The following OTUD7A variants were observed in gnomAD, a reference collection of about 807,000 sequenced individuals.
OTUD7A encodes the protein OTU domain-containing protein 7A.
A neutral mutation model predicts 65.7 loss-of-function variants in OTUD7A; 12 were observed. The ratio of observed to expected loss-of-function variants is 0.18; its 90% CI spans 0.12 to 0.30. The LOEUF (loss-of-function observed/expected upper bound fraction) is 0.30. OTUD7A is among the 10% of genes least tolerant of loss of function. The pLI, the probability that OTUD7A is intolerant of heterozygous loss-of-function variation, is 1.00. For missense variants in OTUD7A, 1,148 were observed against 1,304.8 expected, an observed-to-expected ratio of 0.88 and a Z score of 1.85; for synonymous variants, 641 against 586.3, an observed-to-expected ratio of 1.09 and a Z score of -1.35.
chr15:31,625,525 G>A (rs1033731492), intron 3 of OTUD7A, among the ~76,000 whole-genome samples: 14 of 152,048 alleles, frequency 9.2e-5, no homozygotes, highest in Middle Eastern at 3.4e-3. Flanking sequence ...CAGGACTCTC[G>A]TATGTTGTTA....
intron 3 of OTUD7A, among the ~76,000 whole-genome samples, chr15:31,575,965 C>A (rs1012323202): frequency 4.6e-5 from 7 of 152,016 alleles, no homozygotes; most frequent in African/African-American, 1.7e-4. Flanking sequence ...TACACAATTG[C>A]AACTAAAATG....
At chr15:31,739,182 T>A (rs1894271233) in intron 1 of OTUD7A, among the ~76,000 whole-genome samples, 1 of 152,116 alleles carries the variant, frequency 6.6e-6, no homozygotes, top group Non-Finnish European at 1.5e-5. Context: ...CACTCAAAAC[T>A]CTCATAGTAC....
chr15:31,677,314 A>G (rs1892616025), intron 1 of OTUD7A, among the ~76,000 whole-genome samples: 1 of 152,148 alleles, frequency 6.6e-6, no homozygotes, highest in Non-Finnish European at 1.5e-5. Flanking sequence ...GCCTTGTGTT[A>G]AAGTGCTGAG....
At chr15:31,785,412 C>T (rs1895646770) in intron 1 of OTUD7A, among the ~76,000 whole-genome samples, 1 of 152,144 alleles carries the variant, frequency 6.6e-6, no homozygotes, top group African/African-American at 2.4e-5. Context: ...TCTCTCACTC[C>T]AAGATTATAC....
chr15:31,679,225 G>A (rs1252699793), intron 1 of OTUD7A, among the ~76,000 whole-genome samples: 1 of 152,172 alleles, frequency 6.6e-6, no homozygotes, highest in Non-Finnish European at 1.5e-5. Context: ...ATTTGCTTTT[G>A]ACTTTACAGG....
At chr15:31,842,760 T>C (rs904424750) in intron 1 of OTUD7A, among the ~76,000 whole-genome samples, 1 of 152,172 alleles carries the variant, frequency 6.6e-6, no homozygotes, top group Non-Finnish European at 1.5e-5. Flanking sequence ...ATCACATCGC[T>C]GCCTCCCTAT....
At chr15:31,543,334 A>C (rs982720026) in intron 5 of OTUD7A, among the ~76,000 whole-genome samples, 2 of 151,950 alleles carry the variant, frequency 1.3e-5, no homozygotes, top group Non-Finnish European at 2.9e-5. Context: ...AAAAGACATG[A>C]TTAAACAATA....
At chr15:31,497,080 C>CCTG (rs2041396926) in intron 10 of OTUD7A, among the ~76,000 whole-genome samples, 1 of 152,106 alleles carries the variant, frequency 6.6e-6, no homozygotes, top group Non-Finnish European at 1.5e-5. Context: ...TGGACTCCCT[C>CCTG]AGGGCTCCTG....
At chr15:31,857,533 G>C (rs1362291819) in intron 1 of OTUD7A, among the ~76,000 whole-genome samples, 1 of 152,134 alleles carries the variant, frequency 6.6e-6, no homozygotes, top group Admixed American at 6.5e-5. Flanking sequence ...GCTGTCCTGG[G>C]AGAAGCCTGG....
intron 1 of OTUD7A, among the ~76,000 whole-genome samples, chr15:31,861,487 A>G (rs1446051488): frequency 3.3e-5 from 5 of 152,160 alleles, no homozygotes; most frequent in East Asian, 1.9e-4. Flanking sequence ...TGTAAATGGG[A>G]TAAGTCAGCT....
intron 1 of OTUD7A, among the ~76,000 whole-genome samples, chr15:31,774,903 G>A (rs1895333211): frequency 6.6e-6 from 1 of 150,866 alleles, no homozygotes; most frequent in African/African-American, 2.4e-5. Flanking sequence ...CCTTCTCGTG[G>A]GGGTCAGGCC....
chr15:31,764,984 A>G (rs1056646833), intron 1 of OTUD7A, among the ~76,000 whole-genome samples: 1 of 152,196 alleles, frequency 6.6e-6, no homozygotes, highest in African/African-American at 2.4e-5. Flanking sequence ...GGAAGAGATT[A>G]TATGTTTTAT....
intron 1 of OTUD7A, among the ~76,000 whole-genome samples, chr15:31,717,891 C>G (rs183474989): frequency 6.6e-6 from 1 of 152,352 alleles, no homozygotes; most frequent in East Asian, 1.9e-4. Flanking sequence ...TCCAAATCCT[C>G]TCCAGCGTCT....
At chr15:31,775,981 C>T (rs1426075034) in intron 1 of OTUD7A, among the ~76,000 whole-genome samples, 3 of 152,236 alleles carry the variant, frequency 2.0e-5, no homozygotes, top group Non-Finnish European at 2.9e-5. Flanking sequence ...CACATACACA[C>T]ACAGACACAG....
intron 1 of OTUD7A, among the ~76,000 whole-genome samples, chr15:31,780,915 A>G (rs1895521308): frequency 6.6e-6 from 1 of 152,214 alleles, no homozygotes; most frequent in African/African-American, 2.4e-5. Flanking sequence ...GAATACAGTG[A>G]CTGTAGGTAC....
chr15:31,734,386 T>G (rs575921692), intron 1 of OTUD7A, among the ~76,000 whole-genome samples: 43 of 152,136 alleles, frequency 2.8e-4, no homozygotes, highest in African/African-American at 1.0e-3. Flanking sequence ...AGATTCTTCA[T>G]AGAACTAGAA....
chr15:31,583,895 T>C (rs994617059), intron 3 of OTUD7A, among the ~76,000 whole-genome samples: 1 of 152,098 alleles, frequency 6.6e-6, no homozygotes, highest in African/African-American at 2.4e-5. Context: ...AAACCTCTAG[T>C]TCCCCTTCCT....
chr15:31,670,125 T>C (rs995288381), intron 1 of OTUD7A, among the ~76,000 whole-genome samples: 1 of 149,204 alleles, frequency 6.7e-6, no homozygotes, highest in Admixed American at 6.6e-5. Context: ...GGAATGCTGC[T>C]GTGTCCATCT....
At chr15:31,588,443 G>C (rs531828731) in intron 3 of OTUD7A, among the ~76,000 whole-genome samples, 1 of 152,186 alleles carries the variant, frequency 6.6e-6, no homozygotes, top group Non-Finnish European at 1.5e-5. Context: ...AACATGATGG[G>C]TTAGCAAGAA....
Sources: allele counts gnomAD v4.1 joint callset (sites outside exome capture counted in the v4.1 genomes callset), GRCh38; gene constraint gnomAD v4.1.1; transcripts MANE v1.5; gene names NCBI Gene and HGNC (gene_info 2026-07-23, HGNC 2026-07-21).